The following PLEKHA3 variants were observed in gnomAD, a reference collection of about 807,000 sequenced individuals.
PLEKHA3 encodes pleckstrin homology domain containing A3.
Under a neutral mutation model 39.2 loss-of-function variants are expected in PLEKHA3, and 19 were observed. That is an observed-to-expected ratio of 0.48 (90% CI 0.34 to 0.71). The LOEUF (loss-of-function observed/expected upper bound fraction) is 0.71. Among genes scored for constraint, PLEKHA3 ranks in the 30% least tolerant of loss-of-function variants. The probability of loss-of-function intolerance (pLI) is 0.01; values close to 1 mark genes in which losing one functional copy is unlikely to be tolerated. For synonymous variants in PLEKHA3, 97 were observed against 118.6 expected, an observed-to-expected ratio of 0.82 and a Z score of 1.18; for missense variants, 253 against 359.5, an observed-to-expected ratio of 0.70 and a Z score of 2.40.
rs1435917529 is a variant in PLEKHA3, at chr2:178,515,799, A to T, written c.*11912A>T. 6.6e-6 allele frequency: 1 copy of T among 152,088 alleles called. No individual in the cohort carries two copies. Among genetic ancestry groups the T allele is most frequent in the Admixed American group, 6.5e-5 (1 of 15,268 alleles). The allele number at this position is 152,088 out of a possible 1,614,324, so 9.4% of individuals were successfully genotyped here. The stretch of plus-strand genomic sequence containing the variant: ...AGATACAATGACTATCTTAATTATA[A>T]TTGGCTTTCCAAAATTTTCACTTTT... On this transcript the variant is annotated 3_prime_UTR_variant, in exon 8 of 8. Coordinates refer to ENST00000234453, the MANE Select transcript of PLEKHA3 (RefSeq NM_019091.4).
rs1456612800 is a variant in PLEKHA3 at position 178,516,435 on chromosome 2, T to C, written c.*12548T>C. 3 of 152,300 alleles carry C rather than the reference T, an allele frequency of 2.0e-5. No homozygotes were observed. The South Asian group carries it at 6.2e-4, about 32-fold the overall frequency. 9.4% of individuals were successfully genotyped at this position (152,300 alleles called of 1,614,324 possible). A position where few individuals can be genotyped will look rare whatever the true frequency, so the allele number is the denominator to read the frequency against. On this transcript the variant is annotated 3_prime_UTR_variant, in exon 8 of 8. Transcript: ENST00000234453. ...TGTCGAAAATATTGTAGTAATTTTA[T>C]AAATTCAATAAAACCTGAGTGATGT...
rs1685521626 is a variant in PLEKHA3, at chr2:178,501,001, T to C, written c.660-60T>C. 13 of 1,005,106 alleles carry C rather than the reference T, an allele frequency of 1.3e-5. 1 individual carries two copies. The South Asian group carries it at 1.7e-4, about 13-fold the overall frequency. 62.3% of individuals were successfully genotyped at this position (1,005,106 alleles called of 1,614,324 possible). ...AAAGAGAAGTCATTTAAAATTCCAG[T>C]TGAGTGTGTTTTTGTTTATGTAAGG... is the stretch of plus-strand genomic sequence containing the variant. On this transcript the variant is annotated intron_variant, in intron 6 of 7. Transcript: ENST00000234453.
At position 178,507,038 on chromosome 2, in the gene PLEKHA3, A is replaced by G. The variant is rs916794293; in HGVS notation, c.*3151A>G. ...AATCAAATAGAACTAAAAGGTTTAT[A>G]GTGAAAAAGTGTAGTTCCCTCTTCC... On this transcript the variant is annotated 3_prime_UTR_variant, in exon 8 of 8. Transcript: ENST00000234453. The G allele has an allele frequency of 2.3e-4, 35 of 152,198 alleles. No homozygotes were observed. Among genetic ancestry groups the G allele is most frequent in the Admixed American group, 6.5e-5 (1 of 15,278 alleles). 9.4% of individuals were successfully genotyped at this position (152,198 alleles called of 1,614,324 possible).
chr2:178,498,099 C>G (rs1265032869), intron 5 of PLEKHA3, among the ~76,000 whole-genome samples: 2 of 152,112 alleles, frequency 1.3e-5, no homozygotes, highest in African/African-American at 2.4e-5. Flanking sequence ...TAGTTAATCT[C>G]AATGAATTCA....
At chr2:178,487,959 C>T (rs1280018654) in intron 2 of PLEKHA3, among the ~76,000 whole-genome samples, 1 of 151,980 alleles carries the variant, frequency 6.6e-6, no homozygotes, top group Non-Finnish European at 1.5e-5. Flanking sequence ...ATGTTGAATA[C>T]TTTTTTAGAT....
Position 178,495,454 on chromosome 2 carries a change from A to C in PLEKHA3, c.451-42A>C, listed in dbSNP as rs775195587. 5 of 1,584,680 alleles carry C rather than the reference A, an allele frequency of 3.2e-6. No individual in the cohort carries two copies. In the South Asian group the frequency reaches 4.5e-5, roughly 14 times the overall value. ...GATAAGGTTGTATATGATTCCATGT[A>C]GTTGTATGCAAATCTGTTCAAGTCT... On this transcript the variant is annotated intron_variant, in intron 4 of 7. Transcript: ENST00000234453.
At chr2:178,499,182 AT>A (rs371719002) in intron 5 of PLEKHA3, 28 bp from the exon 6 acceptor site, 144,872 of 1,158,046 alleles carry the variant, frequency 0.13, 295 homozygotes, top group African/African-American at 0.16. Context: ...GATTATGCTA[AT>A]TTTTTTTTTT....
rs199828168 is a variant in PLEKHA3, at chr2:178,485,797, T to C, written c.157+40T>C. ...AGAATTAGAGGAATTGGAGGTTAGA[T>C]AGTCAAGGGTTCTTCAGCATACTCC... On this transcript the variant is annotated intron_variant, in intron 2 of 7. Coordinates refer to ENST00000234453, the MANE Select transcript of PLEKHA3 (RefSeq NM_019091.4). 1,569 of 1,453,626 alleles carry C rather than the reference T, an allele frequency of 1.1e-3. 13 individuals are homozygous for C. Among genetic ancestry groups the C allele is most frequent in the Middle Eastern group, 4.3e-3 (25 of 5,796 alleles). The allele number at this position is 1,453,626 out of a possible 1,614,324, so 90.0% of individuals were successfully genotyped here. A position where few individuals can be genotyped will look rare whatever the true frequency, so the allele number is the denominator to read the frequency against.
At chr2:178,489,526 T>A (rs1396972746) in intron 2 of PLEKHA3, among the ~76,000 whole-genome samples, 1 of 149,702 alleles carries the variant, frequency 6.7e-6, no homozygotes, top group Admixed American at 6.7e-5. Context: ...GGTATGATTG[T>A]AGCTCACTGC....
chr2:178,499,903 G>A (rs533715476), intron 6 of PLEKHA3, among the ~76,000 whole-genome samples: 1 of 152,240 alleles, frequency 6.6e-6, no homozygotes, highest in South Asian at 2.1e-4. Flanking sequence ...CATTTTTGAT[G>A]TGTTGAGACT....
Position 178,503,954 on chromosome 2 carries a change from T to C in PLEKHA3, c.*67T>C. The C allele has an allele frequency of 1.3e-6, 2 of 1,568,244 alleles. No homozygotes were observed. Among genetic ancestry groups the C allele is most frequent in the Non-Finnish European group, 1.7e-6 (2 of 1,146,340 alleles). On this transcript the variant is annotated 3_prime_UTR_variant, in exon 8 of 8. Coordinates refer to ENST00000234453, the MANE Select transcript of PLEKHA3 (RefSeq NM_019091.4). ...AAAGCTGCTGTAATTAAACTATTGT[T>C]ATAGGGAGTAGTTTTTTCCCTTAGG... is the stretch of plus-strand genomic sequence containing the variant.
At position 178,510,750 on chromosome 2, in the gene PLEKHA3, C is replaced by T. The variant is rs1685671566; in HGVS notation, c.*6863C>T. 6.5e-6 allele frequency: 1 copy of T among 153,118 alleles called. No individual in the cohort carries two copies. Among genetic ancestry groups the T allele is most frequent in the South Asian group, 2.1e-4 (1 of 4,826 alleles). The allele number at this position is 153,118 out of a possible 1,614,324, so 9.5% of individuals were successfully genotyped here. ...AATTTTCATTCTTTATGGTAAATTC[C>T]CATCACTGTATCCATAACCTCTTGT... On this transcript the variant is annotated 3_prime_UTR_variant, in exon 8 of 8. Coordinates refer to ENST00000234453, the MANE Select transcript of PLEKHA3 (RefSeq NM_019091.4).
chr2:178,492,112 T>C (rs1685357626), intron 3 of PLEKHA3, among the ~76,000 whole-genome samples: 1 of 152,302 alleles, frequency 6.6e-6, no homozygotes, highest in Admixed American at 6.5e-5. Context: ...CTTTTCTATA[T>C]TTTTTCTATT....
intron 2 of PLEKHA3, 126 bp from the exon 3 acceptor site, chr2:178,490,533 A>G (rs1413109382): frequency 8.1e-6 from 8 of 987,226 alleles, no homozygotes; most frequent in Non-Finnish European, 1.0e-5. Flanking sequence ...CACTGCCTGC[A>G]TCATGAATGA....
intron 6 of PLEKHA3, among the ~76,000 whole-genome samples, 165 bp from the exon 7 acceptor site, chr2:178,500,896 T>G (rs1685520312): frequency 6.6e-6 from 1 of 152,054 alleles, no homozygotes; most frequent in South Asian, 2.1e-4. Context: ...GTCTTCTAAA[T>G]GGGTTCACTT....
intron 3 of PLEKHA3, among the ~76,000 whole-genome samples, chr2:178,492,927 T>TA (rs1685375506): frequency 6.6e-6 from 1 of 152,248 alleles, no homozygotes; most frequent in Non-Finnish European, 1.5e-5. Context: ...ATGTATACTT[T>TA]ACCACAGTTT....
At position 178,498,733 on chromosome 2, in the gene PLEKHA3, T is replaced by G. The variant is rs924917817; in HGVS notation, c.616-478T>G. Among the ~76,000 whole-genome samples the G allele has an allele frequency of 5.3e-5, 8 of 152,150 alleles. No individual in the cohort carries two copies. The South Asian group carries it at 6.2e-4, about 12-fold the overall frequency. On this transcript the variant is annotated intron_variant, in intron 5 of 7. Transcript: ENST00000234453. ...ATGCTGTTTTCCATGAAAACCACAC[T>G]TTAGAACATTTGTATATCAGCTACC... is the stretch of plus-strand genomic sequence containing the variant.
chr2:178,497,977 G>GA (rs1685473653), intron 5 of PLEKHA3, among the ~76,000 whole-genome samples: 1 of 151,750 alleles, frequency 6.6e-6, no homozygotes, highest in South Asian at 2.1e-4. Flanking sequence ...TTATTTATAT[G>GA]AAAAACTTAC....
chr2:178,486,920 A>G (rs961464210), intron 2 of PLEKHA3, among the ~76,000 whole-genome samples: 1 of 152,204 alleles, frequency 6.6e-6, no homozygotes, highest in Non-Finnish European at 1.5e-5. Flanking sequence ...GAATATTCAT[A>G]CTTTCAGCTT....
Sources: allele counts gnomAD v4.1 joint callset (sites outside exome capture counted in the v4.1 genomes callset), GRCh38; gene constraint gnomAD v4.1.1; transcripts MANE v1.5; gene names NCBI Gene and HGNC (gene_info 2026-07-23, HGNC 2026-07-21).